Variants in BRIP1 observed in about 807,000 individuals in gnomAD.
BRIP1 encodes the protein Fanconi anemia group J protein.
A neutral mutation model predicts 119.7 loss-of-function variants in BRIP1; 88 were observed. The ratio of observed to expected loss-of-function variants is 0.74; its 90% CI spans 0.62 to 0.88. The LOEUF (loss-of-function observed/expected upper bound fraction) is 0.88, where lower values mean the gene tolerates loss of function less well. BRIP1 is among the 40% of genes least tolerant of loss of function. BRIP1 has a pLI of 0.00. For synonymous variants in BRIP1, 443 were observed against 496.5 expected (o/e 0.89, Z 1.43); for missense variants, 1,259 against 1,455.4 (o/e 0.87, Z 2.20).
In BRIP1 at chr17:61,774,163, T is replaced by C. The variant is rs899557224; in HGVS notation, c.2097+2238A>G. The stretch of plus-strand genomic sequence containing the variant: ...TATATTTATTGCAGCCTATTCACAA[T>C]AGCAAAGACTTGGAACCAACCCAAA... On this transcript the variant is annotated intron_variant, in intron 14 of 19. Transcript: ENST00000259008. This position sits in a 1 kb window ranked among gnomAD's most constrained non-coding sequence, Gnocchi z 5.8. 6.6e-6 allele frequency among the ~76,000 whole-genome samples: 1 copy of C among 152,132 alleles called. No homozygotes were observed. The highest frequency in any genetic ancestry group is 1.5e-5 in the Non-Finnish European group (1 of 68,018).
chr17:61,697,593 T>G (rs1261680000), intron 17 of BRIP1, among the ~76,000 whole-genome samples: 1 of 152,084 alleles, frequency 6.6e-6, no homozygotes. Flanking sequence ...TCTGTCAATT[T>G]TGTTGATCTT....
At chr17:61,727,433 A>G (rs1158266251) in intron 16 of BRIP1, among the ~76,000 whole-genome samples, 4 of 152,190 alleles carry the variant, frequency 2.6e-5, no homozygotes, top group East Asian at 3.8e-4. Flanking sequence ...AAGATGAAGT[A>G]TAACACTTTT....
rs904745157 is a variant in BRIP1 at position 61,683,152 on chromosome 17, CAAG to C, written c.*141_*143del. On this transcript the variant is annotated 3_prime_UTR_variant, in exon 20 of 20. Coordinates refer to ENST00000259008, the MANE Select transcript of BRIP1 (RefSeq NM_032043.3). The surrounding 1 kb of genome is among the most constrained non-coding windows in gnomAD (Gnocchi z 4.7). ...TCTCAAAAAAAAAAACCCAAAAACT[CAAG>C]AATAATAACATTTACATTTCTGAAC... 2.3e-5 allele frequency: 25 copies of C among 1,075,514 alleles called. No homozygotes were observed. The highest frequency in any genetic ancestry group is 4.9e-5 in the African/African-American group (3 of 61,338). The allele number at this position is 1,075,514 out of a possible 1,614,324, so 66.6% of individuals were successfully genotyped here.
intron 4 of BRIP1, among the ~76,000 whole-genome samples, chr17:61,849,883 C>T (rs1324685708): frequency 6.6e-6 from 1 of 152,174 alleles, no homozygotes; most frequent in Admixed American, 6.5e-5. Flanking sequence ...ATACATGTAA[C>T]CTCTTAGGCA....
At chr17:61,859,355 CTTTG>C (rs773775019) in intron 3 of BRIP1, among the ~76,000 whole-genome samples, 23 of 152,126 alleles carry the variant, frequency 1.5e-4, no homozygotes, top group South Asian at 6.2e-4. Context: ...GCATCCAAAA[CTTTG>C]TTTGTTTGTT....
rs1231299741 is a variant in BRIP1, at chr17:61,687,436, A to C, written c.2576-1271T>G. 7.0e-6 allele frequency among the ~76,000 whole-genome samples: 1 copy of C among 142,720 alleles called. No homozygotes were observed. Among genetic ancestry groups the C allele is most frequent in the South Asian group, 2.1e-4 (1 of 4,826 alleles). The allele number at this position is 142,720 out of a possible 152,430, so 93.6% of individuals were successfully genotyped here. Reference sequence around the variant, plus strand: ...TTTGCCTTTAGTTACTGTTTGACCTATGCTACTGCACACTTTACGTGGAAA... The same window carrying C: ...TTTGCCTTTAGTTACTGTTTGACCTCTGCTACTGCACACTTTACGTGGAAA... On this transcript the variant is annotated intron_variant, in intron 18 of 19. Coordinates refer to ENST00000259008, the MANE Select transcript of BRIP1 (RefSeq NM_032043.3). This position sits in a 1 kb window ranked among gnomAD's most constrained non-coding sequence, Gnocchi z 5.1.
rs1016735374 is a variant in BRIP1, at chr17:61,754,038, C to G, written c.2098-9447G>C. On this transcript the variant is annotated intron_variant, in intron 14 of 19. Coordinates refer to ENST00000259008, the MANE Select transcript of BRIP1 (RefSeq NM_032043.3). The surrounding 1 kb of genome is among the most constrained non-coding windows in gnomAD (Gnocchi z 4.1). ...CCACAGTGGTCCAAGCCACCACCATCTATCATCTAGATTACAGCAGACTCC... is the reference window on the plus strand; with the variant it reads ...CCACAGTGGTCCAAGCCACCACCATGTATCATCTAGATTACAGCAGACTCC... 6.6e-6 allele frequency among the ~76,000 whole-genome samples: 1 copy of G among 152,214 alleles called. No homozygotes were observed. The highest frequency in any genetic ancestry group is 6.5e-5 in the Admixed American group (1 of 15,288).
In BRIP1 at chr17:61,756,007, GA is replaced by G. The variant is rs1285876311; in HGVS notation, c.2098-11417del. On this transcript the variant is annotated intron_variant, in intron 14 of 19. Coordinates refer to ENST00000259008, the MANE Select transcript of BRIP1 (RefSeq NM_032043.3). The surrounding 1 kb of genome is among the most constrained non-coding windows in gnomAD (Gnocchi z 4.3). Reference sequence around the variant, plus strand: ...GTTTTATTTTAATTTCTTCAGTGGAGATTTTTTTTAAAGTACCTTAAAACCT... The same window carrying G: ...GTTTTATTTTAATTTCTTCAGTGGAGTTTTTTTTAAAGTACCTTAAAACCT... 6.6e-6 allele frequency among the ~76,000 whole-genome samples: 1 copy of G among 152,128 alleles called. No homozygotes were observed. Among genetic ancestry groups the G allele is most frequent in the Non-Finnish European group, 1.5e-5 (1 of 68,018 alleles).
Position 61,683,149 on chromosome 17 carries a change from ACTC to A in BRIP1, c.*144_*146del. 9.5e-7 allele frequency: 1 copy of A among 1,056,308 alleles called. No homozygotes were observed. Among genetic ancestry groups the A allele is most frequent in the African/African-American group, 1.6e-5 (1 of 61,892 alleles). 65.4% of individuals were successfully genotyped at this position (1,056,308 alleles called of 1,614,324 possible). A position where few individuals can be genotyped will look rare whatever the true frequency, so the allele number is the denominator to read the frequency against. On this transcript the variant is annotated 3_prime_UTR_variant, in exon 20 of 20. Coordinates refer to ENST00000259008, the MANE Select transcript of BRIP1 (RefSeq NM_032043.3). This position sits in a 1 kb window ranked among gnomAD's most constrained non-coding sequence, Gnocchi z 4.7. ...CTGTCTCAAAAAAAAAAACCCAAAAACTCAAGAATAATAACATTTACATTTCTG... is the reference window on the plus strand; with the variant it reads ...CTGTCTCAAAAAAAAAAACCCAAAAAAAGAATAATAACATTTACATTTCTG...
chr17:61,740,657 G>T lies in BRIP1; in HGVS notation c.2379+2356C>A, dbSNP rs574927054. On this transcript the variant is annotated intron_variant, in intron 16 of 19. Coordinates refer to ENST00000259008, the MANE Select transcript of BRIP1 (RefSeq NM_032043.3). The surrounding 1 kb of genome is among the most constrained non-coding windows in gnomAD (Gnocchi z 5.4). ...ACAAAGTAAGTCACATGAATTTTTT[G>T]GTTTCCCAACACATATAAAAGCTAT... Among the ~76,000 whole-genome samples, 5 of 152,218 alleles carry T rather than the reference G, an allele frequency of 3.3e-5. No homozygotes were observed. Among genetic ancestry groups the T allele is most frequent in the Admixed American group, 1.3e-4 (2 of 15,298 alleles).
intron 14 of BRIP1, among the ~76,000 whole-genome samples, chr17:61,766,505 G>C (rs557908347): frequency 1.3e-5 from 2 of 152,042 alleles, no homozygotes; most frequent in South Asian, 4.1e-4. Context: ...TTCTACACGA[G>C]GGGAAAAAAA....
At position 61,710,815 on chromosome 17, in the gene BRIP1, T is replaced by A; in HGVS notation, c.2492+5136A>T. Among the ~76,000 whole-genome samples the A allele has an allele frequency of 6.6e-6, 1 of 151,656 alleles. No homozygotes were observed. On this transcript the variant is annotated intron_variant, in intron 17 of 19. Transcript: ENST00000259008. This position sits in a 1 kb window ranked among gnomAD's most constrained non-coding sequence, Gnocchi z 5.4. ...TAAAAACAATTCAGGCTGAGGCAGGTGGATCATCTGAGGTCAGGAGTTTGA... is the reference window on the plus strand; with the variant it reads ...TAAAAACAATTCAGGCTGAGGCAGGAGGATCATCTGAGGTCAGGAGTTTGA...
At position 61,769,122 on chromosome 17, in the gene BRIP1, C is replaced by T. The variant is rs2077411980; in HGVS notation, c.2097+7279G>A. On this transcript the variant is annotated intron_variant, in intron 14 of 19. Coordinates refer to ENST00000259008, the MANE Select transcript of BRIP1 (RefSeq NM_032043.3). The surrounding 1 kb of genome is among the most constrained non-coding windows in gnomAD (Gnocchi z 4.9). ...TAAATTCTGCAAACAAACTGAGGGA[C>T]CCTGGAAGCTAATCTTTCCCCAGTC... Among the ~76,000 whole-genome samples the T allele has an allele frequency of 6.6e-6, 1 of 152,108 alleles. No individual in the cohort carries two copies. The highest frequency in any genetic ancestry group is 1.5e-5 in the Non-Finnish European group (1 of 68,024).
Position 61,848,306 on chromosome 17 carries a change from T to A in BRIP1, c.507+823A>T, listed in dbSNP as rs2078764400. 6.6e-6 allele frequency among the ~76,000 whole-genome samples: 1 copy of A among 152,018 alleles called. No homozygotes were observed. Among genetic ancestry groups the A allele is most frequent in the Non-Finnish European group, 1.5e-5 (1 of 67,990 alleles). Reference sequence around the variant, plus strand: ...AATCCTCCTATCTCAGCCTCCCAAGTAGCTGGAAAGTAGTCTGTAGGGCTA... The same window carrying A: ...AATCCTCCTATCTCAGCCTCCCAAGAAGCTGGAAAGTAGTCTGTAGGGCTA... On this transcript the variant is annotated intron_variant, in intron 5 of 19. Coordinates refer to ENST00000259008, the MANE Select transcript of BRIP1 (RefSeq NM_032043.3). The surrounding 1 kb of genome is among the most constrained non-coding windows in gnomAD (Gnocchi z 4.3).
intron 14 of BRIP1, among the ~76,000 whole-genome samples, chr17:61,765,382 TATATATATATATA>T (rs2077341793): frequency 0.018 from 322 of 18,278 alleles, 2 homozygotes; most frequent in Middle Eastern, 0.026. Context: ...GTATATATTA[TATATATATATATA>T]TATATATATA....
chr17:61,766,893 A>C (rs771886770), intron 14 of BRIP1, among the ~76,000 whole-genome samples: 19 of 152,086 alleles, frequency 1.2e-4, no homozygotes, highest in Non-Finnish European at 2.5e-4. Context: ...ATGGACAGAA[A>C]CTTCTCTGTC....
chr17:61,732,130 G>A (rs2076856292), intron 16 of BRIP1, among the ~76,000 whole-genome samples: 1 of 151,294 alleles, frequency 6.6e-6, no homozygotes, highest in Non-Finnish European at 1.5e-5. Flanking sequence ...CTGGGATTGT[G>A]CCATCACACC....
chr17:61,829,955 G>A (rs1455292417), intron 6 of BRIP1, among the ~76,000 whole-genome samples: 9 of 148,962 alleles, frequency 6.0e-5, no homozygotes, highest in Middle Eastern at 3.5e-3. Flanking sequence ...TTTTTGAGAC[G>A]GAGTTTCGCT....
At chr17:61,731,637 T>C (rs1489050304) in intron 16 of BRIP1, among the ~76,000 whole-genome samples, 1 of 152,228 alleles carries the variant, frequency 6.6e-6, no homozygotes, top group Non-Finnish European at 1.5e-5. Context: ...ATCCATTCTG[T>C]ACACATTCAT....
Sources: allele counts gnomAD v4.1 joint callset (sites outside exome capture counted in the v4.1 genomes callset), GRCh38; gene constraint gnomAD v4.1.1; non-coding constraint Gnocchi (gnomAD v3.1); transcripts MANE v1.5; gene names NCBI Gene and HGNC (gene_info 2026-07-23, HGNC 2026-07-21).